Variants in MYH11 observed in about 807,000 individuals in gnomAD.
MYH11 encodes the protein myosin heavy chain 11.
Under a neutral mutation model 246.6 loss-of-function variants are expected in MYH11, and 80 were observed. That is an observed-to-expected ratio of 0.32 (90% CI 0.27 to 0.39). MYH11 has a LOEUF of 0.39. Among genes scored for constraint, MYH11 ranks in the 10% least tolerant of loss-of-function variants. The probability of loss-of-function intolerance (pLI) is 1.00; values close to 1 mark genes in which losing one functional copy is unlikely to be tolerated. For synonymous variants in MYH11, 1,071 were observed against 1,015.5 expected (o/e 1.05, Z -1.04); for missense variants, 2,158 against 2,546.8 (o/e 0.85, Z 3.29).
At chr16:15,706,274 TTTTC>T (rs1259016923) in intron 40 of MYH11, among the ~76,000 whole-genome samples, 1 of 152,130 alleles carries the variant, frequency 6.6e-6, no homozygotes, top group Admixed American at 6.6e-5. Context: ...CCTTAAGTCT[TTTTC>T]TTTTTTAGCA....
intron 4 of MYH11, among the ~76,000 whole-genome samples, chr16:15,797,013 A>G (rs2042756448): frequency 6.6e-6 from 1 of 152,200 alleles, no homozygotes; most frequent in Admixed American, 6.5e-5. Flanking sequence ...CTTTCCCCAC[A>G]GAGCCAAGTC....
chr16:15,732,346 C>T (rs142777110), intron 27 of MYH11: 67 of 655,964 alleles, frequency 1.0e-4, no homozygotes, highest in African/African-American at 8.6e-4. Flanking sequence ...GCGATCCTCC[C>T]GCCTCAGCCT....
chr16:15,793,615 C>CTTTTTTTT (rs572455483), intron 4 of MYH11, among the ~76,000 whole-genome samples: 16 of 93,762 alleles, frequency 1.7e-4, no homozygotes, highest in African/African-American at 3.1e-4. Flanking sequence ...CTTTTCTTTT[C>CTTTTTTTT]TTTTTTTTTT....
intron 1 of MYH11, among the ~76,000 whole-genome samples, chr16:15,839,131 GC>G (rs1751924645): frequency 6.7e-6 from 1 of 149,250 alleles, no homozygotes; most frequent in African/African-American, 2.5e-5. Context: ...AATCACCTGA[GC>G]CTGGGAGGTC....
rs536437132 is a variant in MYH11, at chr16:15,827,487, G to T, written c.346-4076C>A. On this transcript the variant is annotated intron_variant, in intron 2 of 40. Transcript: ENST00000300036. ...TGGAGAAGCAAAGCAAGGGTTAGAGGTAAGCGGGGCCCAGGAGCAACATCC... is the reference window on the plus strand; with the variant it reads ...TGGAGAAGCAAAGCAAGGGTTAGAGTTAAGCGGGGCCCAGGAGCAACATCC... Among the ~76,000 whole-genome samples the T allele has an allele frequency of 1.1e-4, 16 of 152,282 alleles. No individual in the cohort carries two copies. The East Asian group carries it at 2.9e-3, about 28-fold the overall frequency.
chr16:15,784,979 A>T (rs1416922427), intron 5 of MYH11: 1 of 370,538 alleles, frequency 2.7e-6, no homozygotes, highest in African/African-American at 2.3e-5. Context: ...GACTACAGGC[A>T]TGCACACCAG....
At chr16:15,718,590 A>G in intron 36 of MYH11, 152 bp from the exon 37 acceptor site, 1 of 1,221,856 alleles carries the variant, frequency 8.2e-7, no homozygotes, top group Non-Finnish European at 1.1e-6. Flanking sequence ...CTGTAGTTAC[A>G]CAGCCAGGAA....
intron 4 of MYH11, among the ~76,000 whole-genome samples, chr16:15,788,837 T>C (rs887752894): frequency 1.3e-5 from 2 of 150,816 alleles, no homozygotes; most frequent in African/African-American, 4.9e-5. Context: ...TGTGTGTGTG[T>C]GTGTAAAAGA....
At chr16:15,854,741 A>G (rs933949551) in intron 1 of MYH11, among the ~76,000 whole-genome samples, 1 of 152,034 alleles carries the variant, frequency 6.6e-6, no homozygotes, top group Non-Finnish European at 1.5e-5. Flanking sequence ...AATCTACTAT[A>G]TATCTGCTCT....
intron 8 of MYH11, among the ~76,000 whole-genome samples, chr16:15,772,889 A>G (rs2042137136): frequency 6.6e-6 from 1 of 151,830 alleles, no homozygotes; most frequent in Non-Finnish European, 1.5e-5. Context: ...TCCTTATAAC[A>G]CTCTAATGCC....
At chr16:15,742,208 T>G (rs1358354960) in intron 20 of MYH11, 4 of 462,502 alleles carry the variant, frequency 8.6e-6, no homozygotes, top group African/African-American at 2.0e-5. Context: ...AGGTACAAAG[T>G]GAAAGGAAAA....
At position 15,750,203 on chromosome 16, in the gene MYH11, T is replaced by C. The variant is rs2041529040; in HGVS notation, c.1993A>G (p.Met665Val). 2 of 1,614,102 alleles carry C rather than the reference T, an allele frequency of 1.2e-6. No individual in the cohort carries two copies. Among genetic ancestry groups the C allele is most frequent in the Non-Finnish European group, 1.7e-6 (2 of 1,180,038 alleles). The change falls in exon 16 of 41, where the codon ATG becomes GTG. Residue 665 changes from methionine to valine, a missense_variant. Met to Val is a conservative substitution (Grantham distance 21). Transcript: ENST00000300036. This position sits in a 1 kb window ranked among gnomAD's most constrained non-coding sequence, Gnocchi z 4.3. ...QLYKEQLGKL[M>V]TTLRNTTPNF... ...GGCGTGGTGTTGCGTAGCGTGGTCA[T>C]CAGCTTGCCCAGCTGCTCCTTGTAC...
chr16:15,843,319 C>T (rs149992563), intron 1 of MYH11, among the ~76,000 whole-genome samples: 2,310 of 151,098 alleles, frequency 0.015, 59 homozygotes, highest in African/African-American at 0.051. Context: ...TGCAATGAGC[C>T]GAGATCATGC....
rs534968360 is a variant in MYH11 at position 15,720,751 on chromosome 16, C to T, written c.4791+88G>A. The T allele has an allele frequency of 2.8e-3, 3,936 of 1,414,528 alleles. 14 individuals are homozygous for T. The highest frequency in any genetic ancestry group is 2.6e-3 in the Non-Finnish European group (2,613 of 1,009,990). 87.6% of individuals were successfully genotyped at this position (1,414,528 alleles called of 1,614,324 possible). A position where few individuals can be genotyped will look rare whatever the true frequency, so the allele number is the denominator to read the frequency against. ...CTGTTTCAAAAAAAAATAAAGAAAA[C>T]GAAGTTTCCACACCAACCATGAGAG... On this transcript the variant is annotated intron_variant, in intron 33 of 40. Transcript: ENST00000300036.
chr16:15,732,151 T>G (rs1429078278), intron 27 of MYH11, among the ~76,000 whole-genome samples: 1 of 151,642 alleles, frequency 6.6e-6, no homozygotes, highest in Non-Finnish European at 1.5e-5. Flanking sequence ...GTAGTAGAGA[T>G]AGGGTTTCGC....
At chr16:15,732,897 G>C in intron 26 of MYH11, 189 bp from the exon 27 acceptor site, 1 of 663,724 alleles carries the variant, frequency 1.5e-6, no homozygotes. Context: ...TGCAAAATGT[G>C]GAGCATATCA....
At chr16:15,711,676 C>T (rs1463275891) in intron 40 of MYH11, among the ~76,000 whole-genome samples, 1 of 152,066 alleles carries the variant, frequency 6.6e-6, no homozygotes, top group East Asian at 1.9e-4. Context: ...TTCACTCTGC[C>T]TGGTGCTGTC....
At chr16:15,853,742 G>T (rs564345132) in intron 1 of MYH11, among the ~76,000 whole-genome samples, 1 of 152,252 alleles carries the variant, frequency 6.6e-6, no homozygotes, top group African/African-American at 2.4e-5. Context: ...CCCTAAATAA[G>T]CCAGGCGCGG....
chr16:15,784,383 G>C (rs1347775882), intron 5 of MYH11, among the ~76,000 whole-genome samples: 1 of 152,154 alleles, frequency 6.6e-6, no homozygotes, highest in Non-Finnish European at 1.5e-5. Flanking sequence ...TTCCAGTCAA[G>C]GGTACCAGGA....
Sources: allele counts gnomAD v4.1 joint callset (sites outside exome capture counted in the v4.1 genomes callset), GRCh38; gene constraint gnomAD v4.1.1; non-coding constraint Gnocchi (gnomAD v3.1); transcripts MANE v1.5; gene names NCBI Gene and HGNC (gene_info 2026-07-23, HGNC 2026-07-21).